Variants in ADARB2 observed in about 807,000 individuals in gnomAD.
ADARB2 encodes the protein inactive double-stranded RNA-specific editase B2.
In ADARB2, 25 loss-of-function variants were observed where a neutral mutation model predicts 62.2. The ratio of observed to expected loss-of-function variants is 0.40; its 90% CI spans 0.29 to 0.56. The LOEUF (loss-of-function observed/expected upper bound fraction) is 0.56, where lower values mean the gene tolerates loss of function less well. ADARB2 is among the 20% of genes least tolerant of loss of function. The probability of loss-of-function intolerance (pLI) is 0.43; values close to 1 mark genes in which losing one functional copy is unlikely to be tolerated. For synonymous variants in ADARB2, 572 were observed against 500.8 expected, an observed-to-expected ratio of 1.14 and a Z score of -1.90; for missense variants, 1,071 against 1,077.4, an observed-to-expected ratio of 0.99 and a Z score of 0.08.
At chr10:1,342,124 C>T (rs1832035428) in intron 3 of ADARB2, among the ~76,000 whole-genome samples, 1 of 152,356 alleles carries the variant, frequency 6.6e-6, no homozygotes, top group African/African-American at 2.4e-5. Flanking sequence ...TGGGGTGTCC[C>T]AACCTCCTGC....
intron 1 of ADARB2, among the ~76,000 whole-genome samples, chr10:1,723,409 G>A (rs915239787): frequency 7.2e-5 from 11 of 152,086 alleles, no homozygotes; most frequent in African/African-American, 1.4e-4. Flanking sequence ...CGGTGGGGCC[G>A]GAGGGACCAG....
At chr10:1,585,760 T>C (rs935670159) in intron 1 of ADARB2, among the ~76,000 whole-genome samples, 31 of 152,284 alleles carry the variant, frequency 2.0e-4, no homozygotes, top group Admixed American at 1.2e-3. Flanking sequence ...TGTGTCTGGG[T>C]GCGGTGTCTC....
chr10:1,701,617 T>C (rs12777019), intron 1 of ADARB2, among the ~76,000 whole-genome samples: 49 of 2,812 alleles, frequency 0.017, no homozygotes, highest in African/African-American at 0.033. Context: ...AATCCCACTC[T>C]ACCAGGAGAC....
chr10:1,523,299 A>G lies in ADARB2; in HGVS notation c.101-144139T>C, dbSNP rs531482952. ...AGTGGAAGTAATATTTTATCCGAAC[A>G]TTAGAACCAAGATTTTGTGTAAGTG... On this transcript the variant is annotated intron_variant, in intron 1 of 9. Transcript: ENST00000381312. Among the ~76,000 whole-genome samples the G allele has an allele frequency of 2.0e-5, 3 of 152,350 alleles. No individual in the cohort carries two copies. In the South Asian group the frequency reaches 6.2e-4, roughly 32 times the overall value.
At chr10:1,670,739 C>G (rs1293333588) in intron 1 of ADARB2, among the ~76,000 whole-genome samples, 1 of 152,192 alleles carries the variant, frequency 6.6e-6, no homozygotes. Flanking sequence ...GCCGGGCACA[C>G]AGTGGGGCCA....
rs368198307 is a variant in ADARB2 at position 1,736,460 on chromosome 10, CTTCT to C, written c.100+587_100+590del. 3.6e-3 allele frequency among the ~76,000 whole-genome samples: 555 copies of C among 152,314 alleles called. 4 individuals carry two copies. Among genetic ancestry groups the C allele is most frequent in the African/African-American group, 0.013 (534 of 41,574 alleles). On this transcript the variant is annotated intron_variant, in intron 1 of 9. Transcript: ENST00000381312. ...TTTCTACCACTAACAAAATATGATGCTTCTTTCTGTTTTCCTGTATTCATTTCTG... is the reference window on the plus strand; with the variant it reads ...TTTCTACCACTAACAAAATATGATGCTTCTGTTTTCCTGTATTCATTTCTG...
chr10:1,316,091 T>A (rs1831736581), intron 3 of ADARB2, among the ~76,000 whole-genome samples: 1 of 152,254 alleles, frequency 6.6e-6, no homozygotes, highest in Admixed American at 6.5e-5. Flanking sequence ...CAATTAATGT[T>A]AAAAGTTTAA....
intron 3 of ADARB2, among the ~76,000 whole-genome samples, chr10:1,348,712 G>A (rs565706239): frequency 1.3e-5 from 2 of 152,180 alleles, no homozygotes; most frequent in African/African-American, 4.8e-5. Context: ...TCCAGGTCCC[G>A]ACTGCTGGCT....
chr10:1,633,063 C>T (rs1037424111), intron 1 of ADARB2, among the ~76,000 whole-genome samples: 3 of 152,150 alleles, frequency 2.0e-5, no homozygotes, highest in African/African-American at 4.8e-5. Context: ...CTCAGACTCC[C>T]GTGCTCCTGC....
chr10:1,254,532 A>G (rs1168574538), intron 4 of ADARB2, among the ~76,000 whole-genome samples: 1 of 152,252 alleles, frequency 6.6e-6, no homozygotes, highest in East Asian at 1.9e-4. Flanking sequence ...CGAGAACCCC[A>G]AAACTATTGA....
intron 3 of ADARB2, among the ~76,000 whole-genome samples, chr10:1,345,388 G>T (rs1315966385): frequency 6.6e-6 from 1 of 152,184 alleles, no homozygotes; most frequent in East Asian, 1.9e-4. Flanking sequence ...CTGGCAAGAG[G>T]CAGAGCCAGG....
intron 1 of ADARB2, among the ~76,000 whole-genome samples, chr10:1,557,836 C>T (rs955540231): frequency 1.3e-4 from 20 of 152,130 alleles, no homozygotes; most frequent in Admixed American, 4.6e-4. Flanking sequence ...CGTTTGAACC[C>T]GGGAGGCGGA....
intron 1 of ADARB2, among the ~76,000 whole-genome samples, chr10:1,609,258 T>A (rs553548842): frequency 3.3e-5 from 5 of 152,206 alleles, no homozygotes; most frequent in Non-Finnish European, 5.9e-5. Flanking sequence ...AAAAGACCAC[T>A]AATGAGTTCA....
chr10:1,182,102 G>C lies in ADARB2; in HGVS notation c.*1091C>G, dbSNP rs1836682228. The stretch of plus-strand genomic sequence containing the variant: ...CTGCAAGGTGTTGATTGGAGAATCT[G>C]AAAGAATAGAGAGCTGGTAGCCTCT... On this transcript the variant is annotated 3_prime_UTR_variant, in exon 10 of 10. Transcript: ENST00000381312. The C allele has an allele frequency of 6.6e-6, 1 of 152,230 alleles. No homozygotes were observed. Among genetic ancestry groups the C allele is most frequent in the South Asian group, 2.1e-4 (1 of 4,828 alleles). 9.4% of individuals were successfully genotyped at this position (152,230 alleles called of 1,614,324 possible).
intron 3 of ADARB2, among the ~76,000 whole-genome samples, chr10:1,301,794 G>T (rs1564251374): frequency 6.6e-6 from 1 of 152,156 alleles, no homozygotes; most frequent in Non-Finnish European, 1.5e-5. Context: ...ATATTTTAAA[G>T]CAGTTTTAAG....
At chr10:1,473,995 G>T (rs540810542) in intron 1 of ADARB2, among the ~76,000 whole-genome samples, 1 of 149,234 alleles carries the variant, frequency 6.7e-6, no homozygotes, top group Admixed American at 6.6e-5. Flanking sequence ...CTGAGCCCCC[G>T]GATCACGGGG....
intron 1 of ADARB2, among the ~76,000 whole-genome samples, chr10:1,567,621 G>A (rs902225916): frequency 1.3e-5 from 2 of 152,236 alleles, no homozygotes; most frequent in East Asian, 1.9e-4. Flanking sequence ...TGGAGGCTTC[G>A]TGCTTGTGCC....
At chr10:1,254,440 C>T (rs1435934610) in intron 4 of ADARB2, among the ~76,000 whole-genome samples, 6 of 152,198 alleles carry the variant, frequency 3.9e-5, no homozygotes, top group Non-Finnish European at 8.8e-5. Flanking sequence ...AAGTTTTGGC[C>T]ATTCTTTCTT....
At chr10:1,577,795 T>C (rs1356174794) in intron 1 of ADARB2, among the ~76,000 whole-genome samples, 1 of 152,222 alleles carries the variant, frequency 6.6e-6, no homozygotes. Flanking sequence ...AGACGGTGAC[T>C]GTATTTGGAG....
Sources: gnomAD v4.1 joint callset for allele counts (sites outside exome capture counted in the v4.1 genomes callset) on GRCh38, gnomAD v4.1.1 for gene constraint, MANE v1.5 for transcripts, NCBI Gene and HGNC (gene_info 2026-07-23, HGNC 2026-07-21) for gene names.